SORBS2: variants seen among roughly 807,000 people sequenced by gnomAD.
The protein encoded by SORBS2 is sorbin and SH3 domain containing 2, also known as sorbin and SH3 domain-containing protein 2.
In SORBS2, 46 loss-of-function variants were observed where a neutral mutation model predicts 97.7. That is an observed-to-expected ratio of 0.47 (90% CI 0.37 to 0.60). SORBS2 has a LOEUF of 0.60. SORBS2 is among the 20% of genes least tolerant of loss of function. The pLI is 0.00. For missense variants in SORBS2, 1,316 were observed against 1,282.3 expected (o/e 1.03, Z -0.40); for synonymous variants, 476 against 473.4 (o/e 1.01, Z -0.07).
intron 2 of SORBS2, among the ~76,000 whole-genome samples, chr4:185,759,995 C>T (rs1409886113): frequency 2.0e-5 from 3 of 152,172 alleles, no homozygotes; most frequent in Non-Finnish European, 2.9e-5. Flanking sequence ...AAATTTCCAT[C>T]GTAGACTCCA....
intron 2 of SORBS2, among the ~76,000 whole-genome samples, chr4:185,740,925 C>T (rs559126282): frequency 1.3e-5 from 2 of 150,866 alleles, no homozygotes; most frequent in East Asian, 2.0e-4. Context: ...AAACCAGCAC[C>T]AACTCAAACC....
At chr4:185,692,953 A>G (rs149550327) in intron 2 of SORBS2, among the ~76,000 whole-genome samples, 76 of 152,326 alleles carry the variant, frequency 5.0e-4, no homozygotes, top group African/African-American at 1.8e-3. Flanking sequence ...TACGCTGAAA[A>G]CAATATAGAC....
intron 1 of SORBS2, among the ~76,000 whole-genome samples, chr4:185,816,128 C>T (rs2153669337): frequency 6.6e-6 from 1 of 152,346 alleles, no homozygotes; most frequent in African/African-American, 2.4e-5. Flanking sequence ...TATTTCCCTA[C>T]ATTTACTGCT....
Position 185,615,161 on chromosome 4 carries a change from TG to T in SORBS2, c.2352-3del. 1 of 1,546,974 alleles carries T rather than the reference TG, an allele frequency of 6.5e-7. No individual in the cohort carries two copies. The highest frequency in any genetic ancestry group is 8.9e-7 in the Non-Finnish European group (1 of 1,118,858). ...TCTCCTTTCTTAAATGACAACTCCC[TG>T]GAAGAGACACGTTGACATGGTCTTT... On this transcript the variant is annotated splice_region_variant and splice_polypyrimidine_tract_variant and intron_variant, in intron 9 of 14. Coordinates refer to ENST00000418609, the Ensembl canonical transcript of SORBS2.
At chr4:185,930,962 C>T (rs2099266131) in intron 1 of SORBS2, among the ~76,000 whole-genome samples, 2 of 152,108 alleles carry the variant, frequency 1.3e-5, no homozygotes, top group African/African-American at 2.4e-5. Context: ...TATACCTACC[C>T]TATTGAAATG....
chr4:185,836,911 C>T (rs9994285), intron 1 of SORBS2, among the ~76,000 whole-genome samples: 24,648 of 152,132 alleles, frequency 0.16, 2,123 homozygotes, highest in South Asian at 0.3. Flanking sequence ...GACCTCTTGA[C>T]TCCAGAGTCC....
intron 12 of SORBS2, among the ~76,000 whole-genome samples, chr4:185,601,715 T>A (rs1172392707): frequency 6.6e-6 from 1 of 152,196 alleles, no homozygotes; most frequent in Non-Finnish European, 1.5e-5. Flanking sequence ...CCCATTTAGC[T>A]TTTAGAATGA....
At chr4:185,691,321 T>C (rs1015679823) in intron 2 of SORBS2, among the ~76,000 whole-genome samples, 1 of 152,256 alleles carries the variant, frequency 6.6e-6, no homozygotes, top group South Asian at 2.1e-4. Context: ...CACCTCAGCC[T>C]CTCAAGGTGC....
chr4:185,941,245 T>C (rs2099271836), intron 1 of SORBS2, among the ~76,000 whole-genome samples: 2 of 152,216 alleles, frequency 1.3e-5, no homozygotes, highest in Admixed American at 6.5e-5. Flanking sequence ...ATTACACAGA[T>C]GGGACATTAA....
chr4:185,903,555 T>C (rs1440494398), intron 1 of SORBS2, among the ~76,000 whole-genome samples: 1 of 152,202 alleles, frequency 6.6e-6, no homozygotes, highest in Non-Finnish European at 1.5e-5. Context: ...GTCCCTCTGA[T>C]ACCTGCTTGT....
At chr4:185,658,468 T>C (rs1222159649), upstream of SORBS2, among the ~76,000 whole-genome samples, 1 of 152,176 alleles carries the variant, frequency 6.6e-6, no homozygotes, top group African/African-American at 2.4e-5. Context: ...TATGCCTTTA[T>C]ATTTTTCTGC....
chr4:185,654,621 G>A lies in SORBS2; in HGVS notation c.25-1893C>T, dbSNP rs1048894966. ...ATATGAAGCTGGAAAAATAAAATAC[G>A]AAAACTCTATGTCCCTTTCTAAAAG... On this transcript the variant is annotated intron_variant, in intron 1 of 14. Coordinates refer to ENST00000418609, the Ensembl canonical transcript of SORBS2. Among the ~76,000 whole-genome samples, 37 of 152,250 alleles carry A rather than the reference G, an allele frequency of 2.4e-4. 1 individual carries two copies. Among genetic ancestry groups the A allele is most frequent in the Middle Eastern group, 3.4e-3 (1 of 294 alleles).
At chr4:185,879,165 T>TCCG (rs1554045423) in intron 1 of SORBS2, among the ~76,000 whole-genome samples, 1 of 57,172 alleles carries the variant, frequency 1.7e-5, no homozygotes, top group Non-Finnish European at 3.4e-5. Context: ...ATGCTATCCC[T>TCCG]CCCCCCCCCC....
intron 4 of SORBS2, among the ~76,000 whole-genome samples, chr4:185,636,645 A>C (rs1383476747): frequency 6.8e-6 from 1 of 147,214 alleles, no homozygotes; most frequent in Non-Finnish European, 1.5e-5. Flanking sequence ...CCTCCAGTTG[A>C]CTATTTTTTT....
chr4:185,835,155 G>T (rs1345693959), intron 1 of SORBS2, among the ~76,000 whole-genome samples: 5 of 152,128 alleles, frequency 3.3e-5, no homozygotes, highest in Admixed American at 6.6e-5. Context: ...TGAAGCCTCC[G>T]CAGAAGCAGA....
At chr4:185,677,484 T>A in intron 4 of SORBS2, 1 of 1,551,946 alleles carries the variant, frequency 6.4e-7, no homozygotes, top group Non-Finnish European at 8.7e-7. Context: ...TTCATTGGAA[T>A]ACATAGTTCC....
In SORBS2 at chr4:185,684,028, C is replaced by CCAACCA. The variant is rs1183269186; in HGVS notation, c.-197-5207_-197-5206insTGGTTG. 0.088 allele frequency among the ~76,000 whole-genome samples: 13,295 copies of CCAACCA among 151,884 alleles called. 696 individuals carry two copies. The highest frequency in any genetic ancestry group is 0.13 in the African/African-American group (5,406 of 41,366). On this transcript the variant is annotated intron_variant, in intron 2 of 20. Transcript: ENST00000284776. This position sits in a 1 kb window ranked among gnomAD's most constrained non-coding sequence, Gnocchi z 4.2. ...CAACCAGCCAACCAACCAACCAACC[C>CCAACCA]ACCAACCAACCCATCACCAACAGGT...
At chr4:185,732,773 C>T (rs2098652389) in intron 2 of SORBS2, among the ~76,000 whole-genome samples, 1 of 152,208 alleles carries the variant, frequency 6.6e-6, no homozygotes, top group African/African-American at 2.4e-5. Flanking sequence ...CCCCCAGTAC[C>T]TGTGAGAGCG....
intron 2 of SORBS2, among the ~76,000 whole-genome samples, chr4:185,764,965 T>C (rs2153614092): frequency 6.6e-6 from 1 of 152,270 alleles, no homozygotes; most frequent in South Asian, 2.1e-4. Context: ...TGAATACTCT[T>C]TTTAAGGTTA....
Sources: gnomAD v4.1 joint callset for allele counts (sites outside exome capture counted in the v4.1 genomes callset) on GRCh38, gnomAD v4.1.1 for gene constraint, Gnocchi (gnomAD v3.1) non-coding constraint, MANE v1.5 for transcripts, NCBI Gene and HGNC (gene_info 2026-07-23, HGNC 2026-07-21) for gene names.